Variants in IQGAP3 observed in about 807,000 individuals in gnomAD.
The protein encoded by IQGAP3 is IQ motif containing GTPase activating protein 3.
In IQGAP3, 165 loss-of-function variants were observed where a neutral mutation model predicts 208.2. The observed-to-expected ratio is 0.79, with a 90% CI of 0.70 to 0.90. IQGAP3 has a LOEUF of 0.90. IQGAP3 is among the 40% of genes least tolerant of loss of function. IQGAP3 has a pLI of 0.00. For missense variants in IQGAP3, 1,811 were observed against 2,043.1 expected (o/e 0.89, Z 2.19); for synonymous variants, 703 against 803.6 (o/e 0.87, Z 2.12).
At chr1:156,527,357 A>G (rs1362524873) in intron 37 of IQGAP3, among the ~76,000 whole-genome samples, 1 of 151,872 alleles carries the variant, frequency 6.6e-6, no homozygotes, top group Non-Finnish European at 1.5e-5. Context: ...GCACGCCTGT[A>G]ATCCCAGCTA....
chr1:156,535,345 G>T, intron 27 of IQGAP3, 98 bp from the exon 28 acceptor site: 2 of 805,376 alleles, frequency 2.5e-6, no homozygotes, highest in Non-Finnish European at 2.1e-6. Flanking sequence ...TCTCCCCCAG[G>T]CTCAGCCACT....
chr1:156,527,340 T>A (rs1674137234), intron 37 of IQGAP3, among the ~76,000 whole-genome samples: 1 of 151,530 alleles, frequency 6.6e-6, no homozygotes, highest in Non-Finnish European at 1.5e-5. Context: ...AAAGCCGGTG[T>A]GGTGGCGCAC....
intron 29 of IQGAP3, 86 bp downstream of exon 29, chr1:156,534,415 G>A: frequency 1.8e-6 from 2 of 1,108,022 alleles, no homozygotes; most frequent in Non-Finnish European, 2.6e-6. Flanking sequence ...TATGCCTCTT[G>A]TCCTCATGGA....
chr1:156,567,111 C>A (rs1488024768), intron 2 of IQGAP3, among the ~76,000 whole-genome samples: 1 of 152,230 alleles, frequency 6.6e-6, no homozygotes, highest in Non-Finnish European at 1.5e-5. Context: ...AGGTGATCCG[C>A]CCGCCTTGGC....
chr1:156,528,747 C>T (rs1004347082), intron 35 of IQGAP3, 137 bp from the exon 36 acceptor site: 38 of 1,053,118 alleles, frequency 3.6e-5, no homozygotes, highest in Middle Eastern at 2.1e-4. Flanking sequence ...GGGGGCTGCA[C>T]TTGAGCCCAA....
At chr1:156,563,362 T>A (rs1406612939) in intron 7 of IQGAP3, 50 bp from the exon 8 acceptor site, 1 of 1,534,104 alleles carries the variant, frequency 6.5e-7, no homozygotes, top group South Asian at 1.2e-5. Flanking sequence ...GAATCCCAGA[T>A]TGGAGCGCAA....
At chr1:156,546,028 C>T (rs1675227971) in intron 19 of IQGAP3, among the ~76,000 whole-genome samples, 1 of 152,148 alleles carries the variant, frequency 6.6e-6, no homozygotes, top group South Asian at 2.1e-4. Flanking sequence ...TGCCAGCTGT[C>T]CATGTTGGAG....
intron 22 of IQGAP3, among the ~76,000 whole-genome samples, chr1:156,542,593 C>T (rs1489703696): frequency 6.6e-6 from 1 of 152,142 alleles, no homozygotes; most frequent in Non-Finnish European, 1.5e-5. Context: ...AACAACCCTA[C>T]AAGATAGGTA....
Position 156,530,513 on chromosome 1 carries a change from A to G in IQGAP3, c.4192-196T>C, listed in dbSNP as rs574352921. On this transcript the variant is annotated intron_variant, in intron 33 of 37. Coordinates refer to ENST00000361170, the MANE Select transcript of IQGAP3 (RefSeq NM_178229.5). ...TCGCTTATGAAGAATATCAAGGTAT[A>G]ACACCATAATGCATGGTGTCACACA... Among the ~76,000 whole-genome samples the G allele has an allele frequency of 1.4e-4, 22 of 152,304 alleles. No individual in the cohort carries two copies. The East Asian group carries it at 4.0e-3, about 28-fold the overall frequency.
At chr1:156,570,678 TC>T (rs1170360220) in intron 1 of IQGAP3, among the ~76,000 whole-genome samples, 1 of 152,146 alleles carries the variant, frequency 6.6e-6, no homozygotes, top group Non-Finnish European at 1.5e-5. Context: ...TCTGGCTAAT[TC>T]TTGCGTTTTT....
At chr1:156,537,858 T>C (rs1343847001) in intron 26 of IQGAP3, among the ~76,000 whole-genome samples, 1 of 152,034 alleles carries the variant, frequency 6.6e-6, no homozygotes, top group Non-Finnish European at 1.5e-5. Context: ...TCTATACCCC[T>C]ATCAATAGGA....
rs80078241 is a variant in IQGAP3 at position 156,534,036 on chromosome 1, G to A, written c.3846C>T (p.Thr1282=). The A allele has an allele frequency of 2.3e-3, 3,785 of 1,613,878 alleles. 4 individuals are homozygous for A. The highest frequency in any genetic ancestry group is 3.0e-3 in the Non-Finnish European group (3,504 of 1,180,014). ...TGTGCGTGTTGACCAGCTCCCCCAC[G>A]GTGATGTACACCATGGGTTTGGCCA... is the stretch of plus-strand genomic sequence containing the variant. ...VAVAKPMVYI[T]VGELVNTHRL... Residue 1282 remains threonine, a synonymous_variant, in exon 30 of 38, where the codon ACC becomes ACT. Transcript: ENST00000361170.
Position 156,548,503 on chromosome 1 carries a change from G to A in IQGAP3, c.1994-16C>T. On this transcript the variant is annotated splice_polypyrimidine_tract_variant and intron_variant, in intron 17 of 37. Transcript: ENST00000361170. ...GCTGTGTCTGCTAAGCAGAAACCAAGCAAGCAGAAAAGGTTCAGAGCAGGC... is the reference window on the plus strand; with the variant it reads ...GCTGTGTCTGCTAAGCAGAAACCAAACAAGCAGAAAAGGTTCAGAGCAGGC... The A allele has an allele frequency of 6.2e-7, 1 of 1,612,062 alleles. No homozygotes were observed. Among genetic ancestry groups the A allele is most frequent in the East Asian group, 2.2e-5 (1 of 44,832 alleles).
chr1:156,532,861 T>C, intron 32 of IQGAP3, 119 bp downstream of exon 32: 1 of 1,068,042 alleles, frequency 9.4e-7, no homozygotes. Context: ...AGGGAGAACT[T>C]CCTGAAGGAT....
rs774732936 is a variant in IQGAP3, at chr1:156,530,172, C to A, written c.4337G>T (p.Arg1446Leu). 6.2e-7 allele frequency: 1 copy of A among 1,611,486 alleles called. No individual in the cohort carries two copies. Among genetic ancestry groups the A allele is most frequent in the Non-Finnish European group, 8.5e-7 (1 of 1,179,164 alleles). Reference sequence around the variant, plus strand: ...GCTGACCAACCCCAGGGCTTCAAGTCGGCGTAGGTTCCGCAGGACGCGCCG... The same window carrying A: ...GCTGACCAACCCCAGGGCTTCAAGTAGGCGTAGGTTCCGCAGGACGCGCCG... The part of the protein sequence containing the change: ...KQRRVLRNLR[R>L]LEALGLVSAR... Residue 1446 changes from arginine (R) to leucine (L), a missense_variant, in exon 34 of 38, where the codon CGA (arginine) becomes CTA (leucine). Arg to Leu is a moderately radical substitution (Grantham distance 102). Coordinates refer to ENST00000361170, the MANE Select transcript of IQGAP3 (RefSeq NM_178229.5).
rs1674045079 is a variant in IQGAP3, at chr1:156,526,131, C to T, written c.*355G>A. The T allele has an allele frequency of 4.7e-6, 1 of 211,712 alleles. No homozygotes were observed. Among genetic ancestry groups the T allele is most frequent in the South Asian group, 9.6e-5 (1 of 10,466 alleles). The allele number at this position is 211,712 out of a possible 1,614,324, so 13.1% of individuals were successfully genotyped here. A position where few individuals can be genotyped will look rare whatever the true frequency, so the allele number is the denominator to read the frequency against. ...GGAAGGCAGAGGGGAAATCAAGCCG[C>T]TGGGGCAGTGCTTGTAATATTGGGG... is the stretch of plus-strand genomic sequence containing the variant. On this transcript the variant is annotated 3_prime_UTR_variant, in exon 38 of 38. Transcript: ENST00000361170.
At chr1:156,544,631 T>C (rs1181968339) in intron 19 of IQGAP3, among the ~76,000 whole-genome samples, 159 bp from the exon 20 acceptor site, 1 of 152,090 alleles carries the variant, frequency 6.6e-6, no homozygotes, top group Non-Finnish European at 1.5e-5. Context: ...AACTTCCAAC[T>C]TCATGGGGAA....
At chr1:156,567,228 T>C (rs1676450867) in intron 2 of IQGAP3, among the ~76,000 whole-genome samples, 1 of 152,222 alleles carries the variant, frequency 6.6e-6, no homozygotes, top group Admixed American at 6.5e-5. Context: ...TTCTGGGTTG[T>C]TCTCTGAGAA....
intron 27 of IQGAP3, among the ~76,000 whole-genome samples, chr1:156,536,578 A>C (rs1368370505): frequency 6.6e-6 from 1 of 152,188 alleles, no homozygotes. Flanking sequence ...GAAGGTGACT[A>C]TAGTTGATAA....
Sources: gnomAD v4.1 joint callset for allele counts (sites outside exome capture counted in the v4.1 genomes callset) on GRCh38, gnomAD v4.1.1 for gene constraint, MANE v1.5 for transcripts, NCBI Gene and HGNC (gene_info 2026-07-23, HGNC 2026-07-21) for gene names.